Variants in ACTR3C observed in about 807,000 individuals in gnomAD.
ACTR3C encodes the protein actin related protein 3C.
Under a neutral mutation model 26.3 loss-of-function variants are expected in ACTR3C, and 18 were observed. The ratio of observed to expected loss-of-function variants is 0.68; its 90% CI spans 0.47 to 1.01. The LOEUF is 1.01. ACTR3C is among the 50% of genes least tolerant of loss of function. The pLI, the probability that ACTR3C is intolerant of heterozygous loss-of-function variation, is 0.00. For synonymous variants in ACTR3C, 55 were observed against 94.5 expected, an observed-to-expected ratio of 0.58 and a Z score of 2.42; for missense variants, 184 against 250.7, an observed-to-expected ratio of 0.73 and a Z score of 1.80.
the ACTR3C span, among the ~76,000 whole-genome samples, chr7:149,987,900 C>G: frequency 6.6e-6 from 1 of 152,112 alleles, no homozygotes; most frequent in Non-Finnish European, 1.5e-5. Flanking sequence ...GCCCCTGAAC[C>G]TAAAATAAAA....
At chr7:149,958,782 G>A in the ACTR3C span, among the ~76,000 whole-genome samples, 1,090 of 152,296 alleles carry the variant, frequency 7.2e-3, 13 homozygotes, top group African/African-American at 0.025. Context: ...AAAACACCTC[G>A]TTTGCAAAGA....
chr7:149,997,886 T>G, the ACTR3C span, among the ~76,000 whole-genome samples: 11 of 149,826 alleles, frequency 7.3e-5, 1 homozygote, highest in African/African-American at 2.7e-4. Context: ...AGACATTTTA[T>G]GGGGCAAGAA....
chr7:149,984,513 C>G, the ACTR3C span, among the ~76,000 whole-genome samples: 28 of 151,046 alleles, frequency 1.9e-4, no homozygotes, highest in East Asian at 3.1e-3. Context: ...CACGTTTTAT[C>G]TATTGTTGAT....
chr7:150,256,368 G>T (rs572255366), intron 6 of ACTR3C, among the ~76,000 whole-genome samples: 1 of 152,356 alleles, frequency 6.6e-6, no homozygotes, highest in African/African-American at 2.4e-5. Flanking sequence ...CACAGCAGCT[G>T]AACTAACTTA....
At chr7:150,079,273 G>A in the ACTR3C span, among the ~76,000 whole-genome samples, 2 of 152,070 alleles carry the variant, frequency 1.3e-5, no homozygotes, top group Non-Finnish European at 1.5e-5. Flanking sequence ...CCCGAGTACC[G>A]GCATCAGGGA....
intron 6 of ACTR3C, among the ~76,000 whole-genome samples, chr7:150,253,265 C>A (rs148215357): frequency 6.6e-6 from 1 of 152,118 alleles, no homozygotes; most frequent in Non-Finnish European, 1.5e-5. Flanking sequence ...AGGGACAGAG[C>A]AAATTATCTT....
chr7:149,949,201 T>C, the ACTR3C span, among the ~76,000 whole-genome samples: 11 of 144,306 alleles, frequency 7.6e-5, no homozygotes, highest in East Asian at 1.2e-3. Flanking sequence ...TATACATATA[T>C]ACACACACAC....
chr7:150,256,312 T>C (rs535540834), intron 6 of ACTR3C, among the ~76,000 whole-genome samples: 3 of 152,388 alleles, frequency 2.0e-5, no homozygotes, highest in Admixed American at 6.5e-5. Context: ...CTGGGCCGAA[T>C]GGTAGTTCTG....
rs1834715637 is a variant in ACTR3C, at chr7:150,274,651, G to A, written c.564+10102C>T. Among the ~76,000 whole-genome samples the A allele has an allele frequency of 2.0e-5, 3 of 152,212 alleles. No individual in the cohort carries two copies. Among genetic ancestry groups the A allele is most frequent in the South Asian group, 2.1e-4 (1 of 4,824 alleles). ...CCTGGCCCATCCTGCACCTGAGGACGCAGGGGCTGGGGAATGAGTGCAGTC... is the reference window on the plus strand; with the variant it reads ...CCTGGCCCATCCTGCACCTGAGGACACAGGGGCTGGGGAATGAGTGCAGTC... On this transcript the variant is annotated intron_variant, in intron 6 of 7. Transcript: ENST00000683684. The surrounding 1 kb of genome is among the most constrained non-coding windows in gnomAD (Gnocchi z 4.1).
chr7:150,145,949 T>C, the ACTR3C span, among the ~76,000 whole-genome samples: 10 of 149,450 alleles, frequency 6.7e-5, no homozygotes, highest in African/African-American at 2.5e-5. Flanking sequence ...AGTTTTCTAC[T>C]CTGCACTTCC....
chr7:150,319,968 C>G (rs911046094), intron 1 of ACTR3C, among the ~76,000 whole-genome samples: 2 of 152,240 alleles, frequency 1.3e-5, no homozygotes, highest in Non-Finnish European at 2.9e-5. Flanking sequence ...ACAGGAAGAT[C>G]AGCATTTCCT....
the ACTR3C span, among the ~76,000 whole-genome samples, chr7:150,009,712 C>T: frequency 2.6e-5 from 4 of 152,318 alleles, no homozygotes; most frequent in East Asian, 3.9e-4. Flanking sequence ...GGATTAGGGA[C>T]GGACAGAGAG....
intron 1 of ACTR3C, among the ~76,000 whole-genome samples, chr7:150,298,140 A>G (rs925227817): frequency 6.6e-6 from 1 of 151,022 alleles, no homozygotes; most frequent in Admixed American, 6.6e-5. Flanking sequence ...GGGAGGCAAG[A>G]ACATGTGGCA....
the ACTR3C span, among the ~76,000 whole-genome samples, chr7:150,233,996 T>C: frequency 1.6e-3 from 243 of 152,308 alleles, 2 homozygotes; most frequent in African/African-American, 5.6e-3. Flanking sequence ...AATCAAGCTA[T>C]ATATAATGTT....
the ACTR3C span, among the ~76,000 whole-genome samples, chr7:150,069,785 T>C: frequency 6.6e-6 from 1 of 150,712 alleles, no homozygotes; most frequent in East Asian, 1.9e-4. Context: ...ATGCAGACAC[T>C]CTGAAATATG....
the ACTR3C span, among the ~76,000 whole-genome samples, chr7:150,131,760 A>G: frequency 2.0e-5 from 3 of 152,228 alleles, no homozygotes; most frequent in African/African-American, 4.8e-5. Flanking sequence ...ACGTACACAA[A>G]TATTCATAGT....
At chr7:150,110,427 AAGCAGGTGGGGCTGCCTGAGGGTGGGGCT>A in the ACTR3C span, among the ~76,000 whole-genome samples, 1 of 105,434 alleles carries the variant, frequency 9.5e-6, no homozygotes, top group Non-Finnish European at 2.0e-5. Context: ...GCAAGGCTGG[AAGCAGGTGGGGCTGCCTGAGGGTGGGGCT>A]GGAAGAGGGT....
At chr7:150,188,340 A>G in the ACTR3C span, among the ~76,000 whole-genome samples, 4 of 151,602 alleles carry the variant, frequency 2.6e-5, no homozygotes, top group Non-Finnish European at 4.4e-5. Flanking sequence ...TGAAAGTAAC[A>G]ATTTGTTCAT....
At chr7:150,259,295 G>A (rs950896402) in intron 6 of ACTR3C, among the ~76,000 whole-genome samples, 8 of 134,022 alleles carry the variant, frequency 6.0e-5, no homozygotes, top group South Asian at 2.2e-4. Flanking sequence ...GAAAGAAAAA[G>A]AAAGAAAGAA....
Sources: allele counts gnomAD v4.1 joint callset (sites outside exome capture counted in the v4.1 genomes callset), GRCh38; gene constraint gnomAD v4.1.1; non-coding constraint Gnocchi (gnomAD v3.1); transcripts MANE v1.5; gene names NCBI Gene and HGNC (gene_info 2026-07-23, HGNC 2026-07-21).